The following UBASH3B variants were observed in gnomAD, a reference collection of about 807,000 sequenced individuals.
UBASH3B encodes ubiquitin-associated and SH3 domain-containing protein B.
Under a neutral mutation model 83.4 loss-of-function variants are expected in UBASH3B, and 37 were observed. That is an observed-to-expected ratio of 0.44 (90% confidence interval 0.34 to 0.58). The LOEUF is 0.58. Ranked by LOEUF, UBASH3B falls within the 20% of genes least tolerant of loss-of-function variation. The pLI, the probability that UBASH3B is intolerant of heterozygous loss-of-function variation, is 0.01. For missense variants in UBASH3B, 657 were observed against 827.2 expected, an observed-to-expected ratio of 0.79 and a Z score of 2.52; for synonymous variants, 304 against 318.3, an observed-to-expected ratio of 0.96 and a Z score of 0.48.
At chr11:122,665,681 C>T (rs1450874661) in intron 1 of UBASH3B, among the ~76,000 whole-genome samples, 1 of 152,096 alleles carries the variant, frequency 6.6e-6, no homozygotes, top group African/African-American at 2.4e-5. Context: ...AGTAAATAAA[C>T]GGAAAGGAAG....
intron 1 of UBASH3B, among the ~76,000 whole-genome samples, chr11:122,767,795 C>T (rs1433541260): frequency 2.0e-5 from 3 of 152,146 alleles, no homozygotes; most frequent in South Asian, 4.1e-4. Flanking sequence ...GAGAAGCAGC[C>T]AGATGGGACA....
intron 1 of UBASH3B, among the ~76,000 whole-genome samples, chr11:122,763,957 C>T (rs1352796044): frequency 6.6e-6 from 1 of 152,108 alleles, no homozygotes; most frequent in Non-Finnish European, 1.5e-5. Context: ...ATTTTACTGG[C>T]CTTGGTGATA....
intron 5 of UBASH3B, among the ~76,000 whole-genome samples, chr11:122,785,983 ATTG>A (rs1401665957): frequency 6.6e-6 from 1 of 152,114 alleles, no homozygotes; most frequent in African/African-American, 2.4e-5. Flanking sequence ...GTTCCATCCC[ATTG>A]TAGTAAGGAG....
intron 1 of UBASH3B, among the ~76,000 whole-genome samples, chr11:122,671,834 G>A (rs1026231729): frequency 2.6e-5 from 4 of 152,228 alleles, no homozygotes; most frequent in Admixed American, 1.3e-4. Context: ...GTAAACAGAC[G>A]GTTGCTGTTT....
At chr11:122,696,907 G>A (rs757835011) in intron 1 of UBASH3B, among the ~76,000 whole-genome samples, 5 of 152,128 alleles carry the variant, frequency 3.3e-5, no homozygotes, top group South Asian at 2.1e-4. Flanking sequence ...GGTTCCTCCC[G>A]CCCTGCCCTG....
chr11:122,658,842 A>C (rs961961553), intron 1 of UBASH3B, among the ~76,000 whole-genome samples: 5 of 152,252 alleles, frequency 3.3e-5, no homozygotes, highest in African/African-American at 1.2e-4. Flanking sequence ...AATTGTCACA[A>C]ACTGAGTGGC....
chr11:122,709,163 C>T (rs1864160570), intron 1 of UBASH3B: 1 of 152,252 alleles, frequency 6.6e-6, no homozygotes, highest in Non-Finnish European at 1.5e-5. Context: ...GGGTGAATCA[C>T]TTGAGCCTGG....
At chr11:122,756,082 C>CATAT (rs58015615) in intron 1 of UBASH3B, among the ~76,000 whole-genome samples, 1 of 151,994 alleles carries the variant, frequency 6.6e-6, no homozygotes. Context: ...AGCATTAACA[C>CATAT]GTGTTGGCCT....
intron 1 of UBASH3B, among the ~76,000 whole-genome samples, chr11:122,725,185 G>C (rs530513370): frequency 1.5e-3 from 230 of 151,774 alleles, no homozygotes; most frequent in African/African-American, 5.1e-3. Flanking sequence ...GGCCAGGCTG[G>C]TCTGGAATTC....
chr11:122,725,987 CG>C (rs1225643149), intron 1 of UBASH3B, among the ~76,000 whole-genome samples: 2 of 152,140 alleles, frequency 1.3e-5, no homozygotes, highest in East Asian at 3.9e-4. Flanking sequence ...CCACTGCACC[CG>C]GCCCCTTGTT....
At chr11:122,713,051 G>A (rs1296321793) in intron 1 of UBASH3B, among the ~76,000 whole-genome samples, 2 of 151,696 alleles carry the variant, frequency 1.3e-5, no homozygotes, top group Non-Finnish European at 2.9e-5. Context: ...GGGACTACAG[G>A]CACCCGCCAC....
At chr11:122,796,823 A>G (rs1861164813) in intron 8 of UBASH3B, 88 bp from the exon 9 acceptor site, 1 of 1,571,900 alleles carries the variant, frequency 6.4e-7, no homozygotes, top group Admixed American at 1.7e-5. Flanking sequence ...CCAAGAAGGA[A>G]TGGGGGTGGA....
At chr11:122,682,514 T>G (rs977318507) in intron 1 of UBASH3B, among the ~76,000 whole-genome samples, 1 of 152,228 alleles carries the variant, frequency 6.6e-6, no homozygotes, top group African/African-American at 2.4e-5. Context: ...TTTGTATCTT[T>G]CCCTGTAAAA....
intron 1 of UBASH3B, among the ~76,000 whole-genome samples, chr11:122,743,381 A>AT (rs1223039673): frequency 1.3e-5 from 2 of 151,972 alleles, no homozygotes; most frequent in Non-Finnish European, 2.9e-5. Context: ...TGCCTAGCTA[A>AT]TTTTTTTACT....
At chr11:122,698,648 C>T (rs1252516925) in intron 1 of UBASH3B, among the ~76,000 whole-genome samples, 1 of 152,050 alleles carries the variant, frequency 6.6e-6, no homozygotes, top group Non-Finnish European at 1.5e-5. Context: ...TGTGGAGGCT[C>T]ACTGAGTTGC....
chr11:122,760,678 G>A (rs552542507), intron 1 of UBASH3B, among the ~76,000 whole-genome samples: 27 of 152,312 alleles, frequency 1.8e-4, no homozygotes, highest in African/African-American at 6.0e-4. Context: ...AAGGTTTTAA[G>A]TGTGAGAGAA....
At chr11:122,794,525 CA>C (rs1401041007) in intron 6 of UBASH3B, among the ~76,000 whole-genome samples, 176 bp from the exon 7 acceptor site, 1 of 152,138 alleles carries the variant, frequency 6.6e-6, no homozygotes, top group Non-Finnish European at 1.5e-5. Context: ...TGCAAGACTT[CA>C]GTATAAAACA....
At chr11:122,663,815 G>A (rs1404783506) in intron 1 of UBASH3B, among the ~76,000 whole-genome samples, 2 of 152,216 alleles carry the variant, frequency 1.3e-5, no homozygotes. Context: ...CTGAGGGACT[G>A]ACCTTGGGCA....
intron 1 of UBASH3B, among the ~76,000 whole-genome samples, chr11:122,751,322 C>T (rs966051085): frequency 3.3e-5 from 5 of 152,198 alleles, no homozygotes; most frequent in Non-Finnish European, 7.3e-5. Flanking sequence ...CTGAATGCTC[C>T]TTGGGAGAAT....
Sources: gnomAD v4.1 joint callset for allele counts (sites outside exome capture counted in the v4.1 genomes callset) on GRCh38, gnomAD v4.1.1 for gene constraint, MANE v1.5 for transcripts, NCBI Gene and HGNC (gene_info 2026-07-23, HGNC 2026-07-21) for gene names.